MAGI1: variants seen among roughly 807,000 people sequenced by gnomAD.
MAGI1 encodes membrane associated guanylate kinase, WW and PDZ domain containing 1, also known as membrane-associated guanylate kinase, WW and PDZ domain-containing protein 1.
A neutral mutation model predicts 139.9 loss-of-function variants in MAGI1; 58 were observed. The ratio of observed to expected loss-of-function variants is 0.41; its 90% CI spans 0.34 to 0.52. MAGI1 has a LOEUF of 0.52. MAGI1 is among the 20% of genes least tolerant of loss of function. The probability of loss-of-function intolerance (pLI) is 0.12; values close to 1 mark genes in which losing one functional copy is unlikely to be tolerated. For missense variants in MAGI1, 1,874 were observed against 1,901.6 expected, an observed-to-expected ratio of 0.99 and a Z score of 0.27; for synonymous variants, 812 against 737.9, an observed-to-expected ratio of 1.10 and a Z score of -1.63.
intron 14 of MAGI1, among the ~76,000 whole-genome samples, 171 bp from the exon 15 acceptor site, chr3:65,383,794 G>A (rs1200907907): frequency 6.6e-6 from 1 of 152,150 alleles, no homozygotes; most frequent in Non-Finnish European, 1.5e-5. Flanking sequence ...GGAAGACACG[G>A]GGATAAACAG....
Position 65,950,085 on chromosome 3 carries a change from AAAAAC to A in MAGI1, c.313+87906_313+87910del, listed in dbSNP as rs1560045746. The stretch of plus-strand genomic sequence containing the variant: ...AAAAAAACAAAAAAAAAACAAAAAA[AAAAAC>A]AAACAAAAAAAAAAAACAGAACTAG... On this transcript the variant is annotated intron_variant, in intron 1 of 22. Transcript: ENST00000402939. Among the ~76,000 whole-genome samples, 33 of 74,342 alleles carry A rather than the reference AAAAAC, an allele frequency of 4.4e-4. 1 individual carries two copies. Among genetic ancestry groups the A allele is most frequent in the African/African-American group, 1.5e-3 (32 of 21,778 alleles). The allele number at this position is 74,342 out of a possible 152,430, so 48.8% of individuals were successfully genotyped here. A position where few individuals can be genotyped will look rare whatever the true frequency, so the allele number is the denominator to read the frequency against.
intron 1 of MAGI1, among the ~76,000 whole-genome samples, chr3:65,794,590 C>T (rs1419597539): frequency 6.6e-6 from 1 of 152,078 alleles, no homozygotes; most frequent in Non-Finnish European, 1.5e-5. Flanking sequence ...ACCTTTCTGG[C>T]CTAGCCAATG....
At chr3:65,999,680 T>G (rs916595951) in intron 1 of MAGI1, among the ~76,000 whole-genome samples, 1 of 152,172 alleles carries the variant, frequency 6.6e-6, no homozygotes. Context: ...ATTATCTGAT[T>G]GCTAAGTTCC....
At chr3:65,975,308 C>T (rs2065211242) in intron 1 of MAGI1, among the ~76,000 whole-genome samples, 1 of 152,168 alleles carries the variant, frequency 6.6e-6, no homozygotes, top group Non-Finnish European at 1.5e-5. Flanking sequence ...ACAGGCCAAA[C>T]TTAAAGGAAA....
chr3:65,501,479 A>C (rs1275019004), intron 2 of MAGI1, among the ~76,000 whole-genome samples: 3 of 137,658 alleles, frequency 2.2e-5, no homozygotes, highest in Non-Finnish European at 4.8e-5. Flanking sequence ...AAAAAAATTT[A>C]AACATATTTG....
intron 2 of MAGI1, among the ~76,000 whole-genome samples, chr3:65,510,926 G>T (rs2077555398): frequency 6.7e-6 from 1 of 148,602 alleles, no homozygotes; most frequent in Non-Finnish European, 1.5e-5. Flanking sequence ...TACCCTCAAA[G>T]GGAAGCCCAT....
At chr3:65,702,313 G>A (rs1478449804) in intron 1 of MAGI1, among the ~76,000 whole-genome samples, 1 of 152,144 alleles carries the variant, frequency 6.6e-6, no homozygotes, top group East Asian at 1.9e-4. Flanking sequence ...CCTCTTGGAT[G>A]TAGTCATTAG....
chr3:65,611,457 A>G (rs977129470), intron 2 of MAGI1, among the ~76,000 whole-genome samples: 5 of 145,690 alleles, frequency 3.4e-5, no homozygotes, highest in South Asian at 2.1e-4. Flanking sequence ...TATACTGTTT[A>G]TACTGTATAT....
intron 1 of MAGI1, among the ~76,000 whole-genome samples, chr3:65,701,586 T>G (rs57563924): frequency 0.012 from 1,808 of 151,350 alleles, 34 homozygotes; most frequent in African/African-American, 0.042. Flanking sequence ...TCACTTTTCT[T>G]TTTTTTTTCC....
At chr3:65,878,869 T>C (rs945023401) in intron 1 of MAGI1, among the ~76,000 whole-genome samples, 3 of 152,098 alleles carry the variant, frequency 2.0e-5, no homozygotes, top group Non-Finnish European at 2.9e-5. Flanking sequence ...GAAACAGGTA[T>C]AGGTAGGGGA....
chr3:65,917,648 A>C (rs1421788497), intron 1 of MAGI1, among the ~76,000 whole-genome samples: 2 of 152,242 alleles, frequency 1.3e-5, no homozygotes, highest in Non-Finnish European at 2.9e-5. Flanking sequence ...CATGGAGGAA[A>C]CTTACAAATG....
chr3:65,372,780 G>A (rs1414789454), intron 18 of MAGI1, among the ~76,000 whole-genome samples: 1 of 152,212 alleles, frequency 6.6e-6, no homozygotes, highest in Non-Finnish European at 1.5e-5. Flanking sequence ...ATGTTACGGA[G>A]ATGGTTTATT....
At chr3:65,605,810 G>C (rs1289534429) in intron 2 of MAGI1, among the ~76,000 whole-genome samples, 1 of 152,110 alleles carries the variant, frequency 6.6e-6, no homozygotes, top group Non-Finnish European at 1.5e-5. Flanking sequence ...AATTGCAACT[G>C]CTCTAGGAAA....
At chr3:65,482,524 A>G (rs1266128053) in intron 3 of MAGI1, among the ~76,000 whole-genome samples, 1 of 152,212 alleles carries the variant, frequency 6.6e-6, no homozygotes, top group African/African-American at 2.4e-5. Context: ...TGAAATGGGA[A>G]TGGTAGCACC....
chr3:65,842,029 T>C (rs1372910900), intron 1 of MAGI1, among the ~76,000 whole-genome samples: 1 of 152,198 alleles, frequency 6.6e-6, no homozygotes, highest in Non-Finnish European at 1.5e-5. Context: ...AATATCAGTT[T>C]GAGCATTTTT....
chr3:65,986,092 T>C (rs918072885), intron 1 of MAGI1, among the ~76,000 whole-genome samples: 15 of 152,192 alleles, frequency 9.9e-5, no homozygotes, highest in African/African-American at 3.6e-4. Flanking sequence ...TTTGTGGTCA[T>C]TTCCTTCCAT....
At chr3:65,936,525 G>A (rs976814283) in intron 1 of MAGI1, among the ~76,000 whole-genome samples, 1 of 151,140 alleles carries the variant, frequency 6.6e-6, no homozygotes, top group African/African-American at 2.4e-5. Flanking sequence ...TGTAATCCCA[G>A]CTACTCAGGC....
chr3:65,601,433 T>C (rs1176500439), intron 2 of MAGI1, among the ~76,000 whole-genome samples: 1 of 152,178 alleles, frequency 6.6e-6, no homozygotes, highest in Non-Finnish European at 1.5e-5. Context: ...CAGAAGGAAA[T>C]TATAGCCTTA....
At chr3:65,395,891 A>G (rs1944356675) in intron 13 of MAGI1, among the ~76,000 whole-genome samples, 4 of 151,896 alleles carry the variant, frequency 2.6e-5, no homozygotes, top group African/African-American at 4.8e-5. Context: ...TGGGTGGTGA[A>G]TGGATTGGTG....
Sources: allele counts gnomAD v4.1 joint callset (sites outside exome capture counted in the v4.1 genomes callset), GRCh38; gene constraint gnomAD v4.1.1; transcripts MANE v1.5; gene names NCBI Gene and HGNC (gene_info 2026-07-23, HGNC 2026-07-21).